The following FGF14 variants were observed in gnomAD, a reference collection of about 807,000 sequenced individuals.
The protein encoded by FGF14 is fibroblast growth factor homologous factor 4.
FGF14 carries 5 observed loss-of-function variants against 25.5 expected under a neutral mutation model. That is an observed-to-expected ratio of 0.20 (90% CI 0.10 to 0.41). The LOEUF (loss-of-function observed/expected upper bound fraction) is 0.41, where lower values mean the gene tolerates loss of function less well. Among genes scored for constraint, FGF14 ranks in the 10% least tolerant of loss-of-function variants. The probability of loss-of-function intolerance (pLI) is 1.00; values close to 1 mark genes in which losing one functional copy is unlikely to be tolerated. For synonymous variants in FGF14, 138 were observed against 118.3 expected (o/e 1.17, Z -1.08); for missense variants, 222 against 320.1 (o/e 0.69, Z 2.34).
chr13:102,013,762 CATATATG>C (rs2040200232), intron 1 of FGF14, among the ~76,000 whole-genome samples: 2 of 152,130 alleles, frequency 1.3e-5, no homozygotes, highest in African/African-American at 4.8e-5. Context: ...TAGGCTTGAT[CATATATG>C]ACATTTTATT....
chr13:101,769,425 C>G (rs964263993), intron 3 of FGF14, among the ~76,000 whole-genome samples: 3 of 152,070 alleles, frequency 2.0e-5, no homozygotes, highest in Non-Finnish European at 4.4e-5. Flanking sequence ...CATTGTCTTA[C>G]TACATGATCC....
At chr13:102,268,482 T>C (rs2053098035) in intron 1 of FGF14, among the ~76,000 whole-genome samples, 1 of 152,046 alleles carries the variant, frequency 6.6e-6, no homozygotes, top group Admixed American at 6.6e-5. Context: ...TAAGTTATAA[T>C]ACATTATATA....
At chr13:102,161,060 A>C (rs2047599901) in intron 1 of FGF14, among the ~76,000 whole-genome samples, 1 of 151,938 alleles carries the variant, frequency 6.6e-6, no homozygotes, top group Admixed American at 6.6e-5. Context: ...GAAAATAAAC[A>C]AAGTATTCCT....
chr13:102,319,731 C>T (rs1401050552), intron 1 of FGF14, among the ~76,000 whole-genome samples: 1 of 152,238 alleles, frequency 6.6e-6, no homozygotes, highest in East Asian at 1.9e-4. Context: ...AAACAATTAA[C>T]TCTATCAGCT....
intron 1 of FGF14, among the ~76,000 whole-genome samples, chr13:102,379,580 G>GAT (rs2058132762): frequency 6.6e-6 from 1 of 151,806 alleles, no homozygotes. Flanking sequence ...GAGAAAGAGA[G>GAT]ATAGTTCAGT....
chr13:102,075,771 G>C (rs575487175), intron 1 of FGF14, among the ~76,000 whole-genome samples: 1 of 152,146 alleles, frequency 6.6e-6, no homozygotes, highest in African/African-American at 2.4e-5. Context: ...GATTGCTCCC[G>C]AAAACTTTCC....
chr13:102,401,922 G>A (rs2139299768), upstream of FGF14: 1 of 571,468 alleles, frequency 1.7e-6, no homozygotes, highest in South Asian at 2.0e-5. Context: ...ATGCACAAAA[G>A]ATCCCCAAAG....
chr13:102,345,605 C>A (rs1242915651), intron 1 of FGF14, among the ~76,000 whole-genome samples: 1 of 152,164 alleles, frequency 6.6e-6, no homozygotes, highest in Non-Finnish European at 1.5e-5. Flanking sequence ...GTGGGTTGTT[C>A]TTTTCTAGAA....
In FGF14 at chr13:102,161,570, A is replaced by AAGAAGAAGAAAGAAGAAAG; in HGVS notation, c.208+239900_208+239901insCTTTCTTCTTTCTTCTTCT. Reference sequence around the variant, plus strand: ...TCTATGCAACCAACTTTCTGTGAAGAAAGAAAGAAGAAGAAGAAGAAGAAG... The same window carrying AAGAAGAAGAAAGAAGAAAG: ...TCTATGCAACCAACTTTCTGTGAAGAAGAAGAAGAAAGAAGAAAGAAGAAAGAAGAAGAAGAAGAAGAAG... On this transcript the variant is annotated intron_variant, in intron 1 of 4. Coordinates refer to the FGF14 transcript ENST00000376131. Among the ~76,000 whole-genome samples the AAGAAGAAGAAAGAAGAAAG allele has an allele frequency of 3.5e-4, 2 of 5,652 alleles. 1 individual carries two copies. The highest frequency in any genetic ancestry group is 0.016 in the South Asian group (2 of 124). The allele number at this position is 5,652 out of a possible 152,430, so 3.7% of individuals were successfully genotyped here. A position where few individuals can be genotyped will look rare whatever the true frequency, so the allele number is the denominator to read the frequency against.
intron 1 of FGF14, among the ~76,000 whole-genome samples, chr13:102,205,803 A>G (rs1463575923): frequency 6.6e-6 from 1 of 151,116 alleles, no homozygotes; most frequent in Non-Finnish European, 1.5e-5. Flanking sequence ...GTCTACAAAC[A>G]AAAAAGTAGG....
At chr13:102,219,654 G>C (rs2050524374) in intron 1 of FGF14, among the ~76,000 whole-genome samples, 1 of 152,148 alleles carries the variant, frequency 6.6e-6, no homozygotes, top group African/African-American at 2.4e-5. Context: ...TGTTGAAATT[G>C]ATACTAAAAT....
At chr13:102,044,916 T>A (rs542246321) in intron 1 of FGF14, among the ~76,000 whole-genome samples, 1 of 152,234 alleles carries the variant, frequency 6.6e-6, no homozygotes, top group African/African-American at 2.4e-5. Flanking sequence ...CCGATGTTGG[T>A]GTACTCTGAC....
chr13:102,378,722 G>T (rs1404855120), intron 1 of FGF14, among the ~76,000 whole-genome samples: 1 of 149,938 alleles, frequency 6.7e-6, no homozygotes, highest in African/African-American at 2.5e-5. Context: ...AAAACAAAAA[G>T]AATCCTGAGG....
intron 1 of FGF14, among the ~76,000 whole-genome samples, chr13:102,123,693 G>A (rs889255823): frequency 5.9e-5 from 9 of 152,010 alleles, no homozygotes; most frequent in African/African-American, 2.2e-4. Context: ...TAGAGATAGC[G>A]GATATCACTA....
chr13:101,755,261 C>T (rs2037565422), intron 3 of FGF14, among the ~76,000 whole-genome samples: 1 of 152,186 alleles, frequency 6.6e-6, no homozygotes, highest in Non-Finnish European at 1.5e-5. Context: ...TCTCACTTCA[C>T]ACTACCCACC....
rs77212373 is a variant in FGF14 at position 102,042,082 on chromosome 13, T to C, written c.209-166786A>G. ...CTTTCCTTCCTTAGTCATTTCCTTA[T>C]GCCTAAATTCTTTTGTAAAAGACTG... On this transcript the variant is annotated intron_variant, in intron 1 of 4. Transcript: ENST00000376131. Among the ~76,000 whole-genome samples the C allele has an allele frequency of 3.3e-3, 501 of 152,318 alleles. 2 individuals are homozygous for C. The highest frequency in any genetic ancestry group is 0.011 in the African/African-American group (476 of 41,584).
chr13:101,828,547 T>C (rs1383198224), intron 3 of FGF14, among the ~76,000 whole-genome samples: 2 of 151,650 alleles, frequency 1.3e-5, no homozygotes, highest in African/African-American at 4.8e-5. Flanking sequence ...AGTGTTATCA[T>C]GATGAAGTTT....
intron 3 of FGF14, among the ~76,000 whole-genome samples, chr13:101,776,510 G>C (rs560533759): frequency 2.0e-5 from 3 of 152,258 alleles, no homozygotes; most frequent in Non-Finnish European, 4.4e-5. Flanking sequence ...ACAAATCAGT[G>C]TCAGATCTCA....
At chr13:102,213,343 A>G (rs575609711) in intron 1 of FGF14, among the ~76,000 whole-genome samples, 76 of 152,366 alleles carry the variant, frequency 5.0e-4, no homozygotes, top group Middle Eastern at 6.8e-3. Flanking sequence ...TAAAAATAAC[A>G]TAATTCCTCC....
Sources: gnomAD v4.1 joint callset for allele counts (sites outside exome capture counted in the v4.1 genomes callset) on GRCh38, gnomAD v4.1.1 for gene constraint, MANE v1.5 for transcripts, NCBI Gene and HGNC (gene_info 2026-07-23, HGNC 2026-07-21) for gene names.